Variants in TUNAR observed in about 807,000 individuals in gnomAD.
TUNAR encodes the protein transmembrane neural differentiation associated intracellular calcium regulator.
intron 2 of TUNAR, 136 bp from the exon 2 acceptor site, chr14:95,922,645 A>G (rs1228416766): frequency 2.0e-5 from 8 of 393,578 alleles, no homozygotes; most frequent in Middle Eastern, 6.3e-4. Context: ...GTCCCAAGGT[A>G]GGATCCTTGT....
At chr14:95,912,201 C>G (rs2139668743) in intron 2 of TUNAR, among the ~76,000 whole-genome samples, 1 of 152,246 alleles carries the variant, frequency 6.6e-6, no homozygotes, top group African/African-American at 2.4e-5. Flanking sequence ...CTGAATTTTT[C>G]CCCCAGCATG....
intron 2 of TUNAR, among the ~76,000 whole-genome samples, chr14:95,887,285 C>A (rs1889093758): frequency 6.6e-6 from 1 of 152,172 alleles, no homozygotes; most frequent in Admixed American, 6.5e-5. Flanking sequence ...CTGGGGTGAA[C>A]CTTGCTTGGC....
At chr14:95,892,850 C>G (rs1238500539) in intron 2 of TUNAR, among the ~76,000 whole-genome samples, 1 of 152,094 alleles carries the variant, frequency 6.6e-6, no homozygotes, top group Non-Finnish European at 1.5e-5. Context: ...CTGGGAGATG[C>G]CTCAGGACAA....
chr14:95,914,638 G>A (rs796388113), intron 2 of TUNAR, among the ~76,000 whole-genome samples: 5 of 152,160 alleles, frequency 3.3e-5, no homozygotes, highest in African/African-American at 1.2e-4. Flanking sequence ...GGCTTGTGAA[G>A]TCATGAGAAT....
intron 2 of TUNAR, among the ~76,000 whole-genome samples, chr14:95,889,583 G>A (rs559465171): frequency 1.3e-5 from 2 of 152,236 alleles, no homozygotes; most frequent in South Asian, 2.1e-4. Context: ...GGCAAGCCCC[G>A]TGACTGGGAG....
rs1889256796 is a variant in TUNAR, at chr14:95,895,926, C to T, written c.12+18749C>T. 6.6e-6 allele frequency: 1 copy of T among 152,242 alleles called. No individual in the cohort carries two copies. Among genetic ancestry groups the T allele is most frequent in the Non-Finnish European group, 1.5e-5 (1 of 68,070 alleles). 9.4% of individuals were successfully genotyped at this position (152,242 alleles called of 1,614,324 possible). On this transcript the variant is annotated intron_variant, in intron 2 of 2. Coordinates refer to ENST00000678517, the Ensembl canonical transcript of TUNAR. The surrounding 1 kb of genome is among the most constrained non-coding windows in gnomAD (Gnocchi z 4.5). ...GCCTGCCCATCATGGCATCCACCACCAGGTGGCCTTTTTCTTGGTAAGTTC... is the reference window on the plus strand; with the variant it reads ...GCCTGCCCATCATGGCATCCACCACTAGGTGGCCTTTTTCTTGGTAAGTTC...
At chr14:95,908,887 A>C (rs912789615) in intron 2 of TUNAR, among the ~76,000 whole-genome samples, 2 of 152,094 alleles carry the variant, frequency 1.3e-5, no homozygotes, top group East Asian at 3.9e-4. Flanking sequence ...AGTCCTGGGA[A>C]TTGGAGGTAG....
At chr14:95,881,273 C>G (rs1888973678) in intron 2 of TUNAR, among the ~76,000 whole-genome samples, 1 of 152,170 alleles carries the variant, frequency 6.6e-6, no homozygotes, top group South Asian at 2.1e-4. Flanking sequence ...CAAAAAGATT[C>G]CTAAATAAGC....
intron 2 of TUNAR, among the ~76,000 whole-genome samples, chr14:95,899,759 G>A (rs1889320288): frequency 1.3e-5 from 2 of 152,158 alleles, no homozygotes; most frequent in Admixed American, 6.5e-5. Flanking sequence ...TTCTATTCAT[G>A]AGGGCTCCAC....
chr14:95,903,197 G>A lies in TUNAR; in HGVS notation c.13-19584G>A, dbSNP rs190607640. On this transcript the variant is annotated intron_variant, in intron 2 of 2. Coordinates refer to ENST00000678517, the Ensembl canonical transcript of TUNAR. Reference sequence around the variant, plus strand: ...GAAAGGGGAGATGTTTCTCCCGCTCGCTGATTCCACTTTGCCCATTTATAA... The same window carrying A: ...GAAAGGGGAGATGTTTCTCCCGCTCACTGATTCCACTTTGCCCATTTATAA... Among the ~76,000 whole-genome samples, 470 of 152,302 alleles carry A rather than the reference G, an allele frequency of 3.1e-3. 5 individuals carry two copies. The highest frequency in any genetic ancestry group is 0.011 in the African/African-American group (455 of 41,562).
At chr14:95,882,410 T>C (rs1455149101) in intron 2 of TUNAR, among the ~76,000 whole-genome samples, 1 of 152,208 alleles carries the variant, frequency 6.6e-6, no homozygotes, top group African/African-American at 2.4e-5. Flanking sequence ...TAGAAATGAT[T>C]TCACACCCGT....
At chr14:95,901,696 C>T (rs1566788920) in intron 2 of TUNAR, among the ~76,000 whole-genome samples, 1 of 152,194 alleles carries the variant, frequency 6.6e-6, no homozygotes, top group Non-Finnish European at 1.5e-5. Flanking sequence ...GGCACAGGGG[C>T]TGCAATGAAG....
At chr14:95,888,908 G>A (rs1889121935) in intron 2 of TUNAR, among the ~76,000 whole-genome samples, 1 of 152,206 alleles carries the variant, frequency 6.6e-6, no homozygotes, top group African/African-American at 2.4e-5. Flanking sequence ...ACACAAGGTA[G>A]ACCGTTGCAA....
intron 2 of TUNAR, among the ~76,000 whole-genome samples, chr14:95,892,101 A>G (rs1320743006): frequency 6.6e-6 from 1 of 151,998 alleles, no homozygotes; most frequent in Non-Finnish European, 1.5e-5. Flanking sequence ...AGGTACTAAC[A>G]GTTAGGACTT....
intron 2 of TUNAR, among the ~76,000 whole-genome samples, chr14:95,918,370 G>T (rs1292080019): frequency 6.6e-6 from 1 of 152,102 alleles, no homozygotes; most frequent in African/African-American, 2.4e-5. Flanking sequence ...TGGTTTCTAG[G>T]CTAATCTCCT....
At chr14:95,881,531 A>G (rs546903665) in intron 2 of TUNAR, among the ~76,000 whole-genome samples, 4 of 152,330 alleles carry the variant, frequency 2.6e-5, no homozygotes, top group Non-Finnish European at 5.9e-5. Context: ...ATCCTCCCCC[A>G]AACAACAGAC....
rs150088165 is a variant in TUNAR, at chr14:95,890,971, A to G, written c.12+13794A>G. ...TCCTCAGAAATCATTGTTAACAACA[A>G]TAATACAACCCAGACAGCAGCAGAA... On this transcript the variant is annotated intron_variant, in intron 2 of 2. Coordinates refer to ENST00000678517, the Ensembl canonical transcript of TUNAR. Among the ~76,000 whole-genome samples, 420 of 152,324 alleles carry G rather than the reference A, an allele frequency of 2.8e-3. 1 individual carries two copies. The highest frequency in any genetic ancestry group is 0.012 in the Admixed American group (182 of 15,298).
chr14:95,883,082 A>C (rs1889007863), intron 2 of TUNAR, among the ~76,000 whole-genome samples: 1 of 151,900 alleles, frequency 6.6e-6, no homozygotes, highest in Non-Finnish European at 1.5e-5. Context: ...CCAGTTTTGC[A>C]GTGTTCAAGT....
In TUNAR at chr14:95,895,953, T is replaced by A. The variant is rs910366371; in HGVS notation, c.12+18776T>A. On this transcript the variant is annotated intron_variant, in intron 2 of 2. Transcript: ENST00000678517. The surrounding 1 kb of genome is among the most constrained non-coding windows in gnomAD (Gnocchi z 4.5). The stretch of plus-strand genomic sequence containing the variant: ...GGTGGCCTTTTTCTTGGTAAGTTCC[T>A]TACAAAGCAACATGCTTTGTGCACC... 7.2e-5 allele frequency: 11 copies of A among 152,318 alleles called. No individual in the cohort carries two copies. The highest frequency in any genetic ancestry group is 2.0e-4 in the Admixed American group (3 of 15,302). The allele number at this position is 152,318 out of a possible 1,614,324, so 9.4% of individuals were successfully genotyped here. A position where few individuals can be genotyped will look rare whatever the true frequency, so the allele number is the denominator to read the frequency against.
Sources: gnomAD v4.1 joint callset for allele counts (sites outside exome capture counted in the v4.1 genomes callset) on GRCh38, gnomAD v4.1.1 for gene constraint, Gnocchi (gnomAD v3.1) non-coding constraint, MANE v1.5 for transcripts, NCBI Gene and HGNC (gene_info 2026-07-23, HGNC 2026-07-21) for gene names.